Variants in DLEC1 observed in about 807,000 individuals in gnomAD.
DLEC1 encodes the protein deleted in lung and esophageal cancer protein 1.
In DLEC1, 146 loss-of-function variants were observed where a neutral mutation model predicts 198.1. The observed-to-expected ratio is 0.74, with a 90% CI of 0.64 to 0.85. DLEC1 has a LOEUF of 0.85. Among genes scored for constraint, DLEC1 ranks in the 40% least tolerant of loss-of-function variants. The pLI, the probability that DLEC1 is intolerant of heterozygous loss-of-function variation, is 0.00. For missense variants in DLEC1, 2,233 were observed against 2,220.0 expected (o/e 1.01, Z -0.12); for synonymous variants, 897 against 866.8 (o/e 1.03, Z -0.61).
chr3:38,097,203 C>T lies in DLEC1; in HGVS notation c.2362C>T (p.Pro788Ser). The T allele has an allele frequency of 1.3e-6, 2 of 1,580,754 alleles. No homozygotes were observed. Among genetic ancestry groups the T allele is most frequent in the Admixed American group, 1.8e-5 (1 of 55,762 alleles). Residue 788 changes from proline (P) to serine (S), a missense_variant, in exon 16 of 37, where the codon CCC (proline) becomes TCC (serine). Coordinates refer to ENST00000308059, the MANE Select transcript of DLEC1 (RefSeq NM_007335.4). ...AFKMWNNSKS[P>S]IRYLWGKISD... ...TCAGATGTGGAACAACAGCAAGTCACCCATCAGATACCTGTGGGGGAAGAT... is the reference window on the plus strand; with the variant it reads ...TCAGATGTGGAACAACAGCAAGTCATCCATCAGATACCTGTGGGGGAAGAT...
chr3:38,105,767 G>A (rs1392957450), intron 19 of DLEC1, among the ~76,000 whole-genome samples: 1 of 152,048 alleles, frequency 6.6e-6, no homozygotes, highest in Non-Finnish European at 1.5e-5. Flanking sequence ...TATATTTAAT[G>A]TAAATACTGA....
rs763575307 is a variant in DLEC1 at position 38,039,379 on chromosome 3, T to C, written c.154T>C (p.Ser52Pro). 1 of 1,614,180 alleles carries C rather than the reference T, an allele frequency of 6.2e-7. No homozygotes were observed. The highest frequency in any genetic ancestry group is 8.5e-7 in the Non-Finnish European group (1 of 1,180,010). The part of the protein sequence containing the change: ...KSSLYSSLAY[S>P]EAFHYSFAAR... ...CTCCTTGTATTCCTCCCTCGCCTAC[T>C]CTGAGGCCTTCCACTACAGCTTCGC... Residue 52 changes from serine to proline, a missense_variant, in exon 1 of 37, where the codon TCT becomes CCT. Coordinates refer to ENST00000308059, the MANE Select transcript of DLEC1 (RefSeq NM_007335.4).
intron 6 of DLEC1, among the ~76,000 whole-genome samples, chr3:38,076,639 T>G (rs1203966779): frequency 6.6e-6 from 1 of 152,212 alleles, no homozygotes; most frequent in East Asian, 1.9e-4. Flanking sequence ...GCAGGGCATA[T>G]TCACTTCTTT....
In DLEC1 at chr3:38,117,997, G is replaced by C; in HGVS notation, c.4677G>C (p.Leu1559=). ...AGACAGCCTCAGCGGACAAGCAGCT[G>C]GTGCTCCAAGCACAGGAGAACATGC... ...EEETASADKQ[L]VLQAQENMLV... Residue 1559 remains leucine (L), a synonymous_variant, in exon 33 of 37, where the codon CTG becomes CTC. Transcript: ENST00000308059. The C allele has an allele frequency of 6.2e-7, 1 of 1,610,018 alleles. No individual in the cohort carries two copies.
chr3:38,117,264 C>G lies in DLEC1; in HGVS notation c.4362C>G (p.Pro1454=). The G allele has an allele frequency of 6.2e-7, 1 of 1,614,148 alleles. No individual in the cohort carries two copies. Among genetic ancestry groups the G allele is most frequent in the South Asian group, 1.1e-5 (1 of 91,082 alleles). Residue 1454 remains proline (P), a synonymous_variant, in exon 31 of 37, where the codon CCC becomes CCG. Coordinates refer to ENST00000308059, the MANE Select transcript of DLEC1 (RefSeq NM_007335.4). ...GCCTGCAGGACTTTGCGGTGGGACC[C>G]CTGAAACTGGACCTGCATAGCTACG... is the stretch of plus-strand genomic sequence containing the variant. ...RHRLQDFAVG[P]LKLDLHSYVR...
chr3:38,075,243 G>A (rs1455920677), intron 6 of DLEC1, among the ~76,000 whole-genome samples: 1 of 151,982 alleles, frequency 6.6e-6, no homozygotes, highest in African/African-American at 2.4e-5. Flanking sequence ...ACTAGGGAGG[G>A]AACAAAGTGT....
chr3:38,082,385 A>G (rs1313334985), intron 6 of DLEC1, among the ~76,000 whole-genome samples: 1 of 149,252 alleles, frequency 6.7e-6, no homozygotes, highest in African/African-American at 2.5e-5. Flanking sequence ...CTCACTTCCC[A>G]GACGGGGTGG....
chr3:38,070,864 C>T (rs1238212634), intron 6 of DLEC1, among the ~76,000 whole-genome samples: 1 of 152,160 alleles, frequency 6.6e-6, no homozygotes, highest in Admixed American at 6.5e-5. Context: ...TTAGTTACTT[C>T]AGGCCATCTG....
chr3:38,056,764 A>G (rs1559400856), intron 2 of DLEC1, among the ~76,000 whole-genome samples: 1 of 152,252 alleles, frequency 6.6e-6, no homozygotes, highest in East Asian at 1.9e-4. Flanking sequence ...AAAAGCAAAT[A>G]TAACGAACAG....
At chr3:38,094,846 T>A (rs745704489) in intron 12 of DLEC1, 33 bp from the exon 13 acceptor site, 1 of 1,607,626 alleles carries the variant, frequency 6.2e-7, no homozygotes, top group Non-Finnish European at 8.5e-7. Context: ...CCAGCAGAAC[T>A]GGGACATGGC....
chr3:38,093,489 C>A (rs1275966697), intron 11 of DLEC1, 116 bp from the exon 12 acceptor site: 3 of 1,234,400 alleles, frequency 2.4e-6, no homozygotes, highest in African/African-American at 3.0e-5. Flanking sequence ...TGTGAGCTTG[C>A]AGGAATCATG....
intron 6 of DLEC1, among the ~76,000 whole-genome samples, chr3:38,065,162 C>T (rs547708168): frequency 3.3e-5 from 5 of 152,364 alleles, no homozygotes; most frequent in African/African-American, 1.2e-4. Flanking sequence ...CACAGCGAAA[C>T]CCCGTCTCCA....
chr3:38,088,974 G>A (rs1698607062), intron 10 of DLEC1, among the ~76,000 whole-genome samples: 2 of 152,250 alleles, frequency 1.3e-5, no homozygotes, highest in East Asian at 3.9e-4. Context: ...GAGAAATGGT[G>A]ATACTTCCTG....
At chr3:38,083,803 T>TGG (rs1339579366) in intron 6 of DLEC1, among the ~76,000 whole-genome samples, 153 of 151,808 alleles carry the variant, frequency 1.0e-3, no homozygotes, top group African/African-American at 3.6e-3. Flanking sequence ...TTTTTTTGTT[T>TGG]TTTTTTTTGG....
chr3:38,090,785 T>C (rs1036212090), intron 10 of DLEC1, among the ~76,000 whole-genome samples: 20 of 152,186 alleles, frequency 1.3e-4, no homozygotes, highest in Non-Finnish European at 2.4e-4. Flanking sequence ...CAGTATATTA[T>C]AAAACTTAGA....
At position 38,075,164 on chromosome 3, in the gene DLEC1, G is replaced by T. The variant is rs112035031; in HGVS notation, c.1174-8994G>T. On this transcript the variant is annotated intron_variant, in intron 6 of 36. Transcript: ENST00000308059. Reference sequence around the variant, plus strand: ...ACTGGAAAGATTCAACGACGCTTGGGGTTGGGACTGAGGGGGCAGGCGGGA... The same window carrying T: ...ACTGGAAAGATTCAACGACGCTTGGTGTTGGGACTGAGGGGGCAGGCGGGA... 5.3e-3 allele frequency among the ~76,000 whole-genome samples: 804 copies of T among 152,230 alleles called. 10 individuals are homozygous for T. Among genetic ancestry groups the T allele is most frequent in the African/African-American group, 0.017 (724 of 41,524 alleles).
intron 1 of DLEC1, among the ~76,000 whole-genome samples, chr3:38,043,341 A>C (rs553419335): frequency 7.2e-5 from 11 of 152,344 alleles, no homozygotes; most frequent in South Asian, 6.2e-4. Context: ...GCCCTCAGTA[A>C]GTGATAGTTG....
chr3:38,113,441 A>G (rs1442477431), intron 25 of DLEC1, among the ~76,000 whole-genome samples: 1 of 152,072 alleles, frequency 6.6e-6, no homozygotes, highest in Non-Finnish European at 1.5e-5. Flanking sequence ...CTGTAATCCC[A>G]GCACTTAGGG....
chr3:38,052,293 G>A (rs867153209), intron 2 of DLEC1: 5 of 448,388 alleles, frequency 1.1e-5, no homozygotes, highest in Middle Eastern at 3.7e-4. Context: ...TAGAGAGCAG[G>A]CTGGGACCAC....
Sources: gnomAD v4.1 joint callset for allele counts (sites outside exome capture counted in the v4.1 genomes callset) on GRCh38, gnomAD v4.1.1 for gene constraint, MANE v1.5 for transcripts, NCBI Gene and HGNC (gene_info 2026-07-23, HGNC 2026-07-21) for gene names.